Variants in DLG2 observed in about 807,000 individuals in gnomAD.
The protein encoded by DLG2 is discs large MAGUK scaffold protein 2.
In DLG2, 45 loss-of-function variants were observed where a neutral mutation model predicts 132.5. That is an observed-to-expected ratio of 0.34 (90% confidence interval 0.27 to 0.44). The LOEUF is 0.44. Among genes scored for constraint, DLG2 ranks in the 20% least tolerant of loss-of-function variants. The pLI is 1.00. For synonymous variants in DLG2, 424 were observed against 419.6 expected, an observed-to-expected ratio of 1.01 and a Z score of -0.13; for missense variants, 1,045 against 1,196.9, an observed-to-expected ratio of 0.87 and a Z score of 1.87.
chr11:84,755,841 C>A (rs2066804093), intron 6 of DLG2, among the ~76,000 whole-genome samples: 1 of 152,124 alleles, frequency 6.6e-6, no homozygotes, highest in Non-Finnish European at 1.5e-5. Flanking sequence ...ATAAAGGTCA[C>A]TTTTAGTGTG....
intron 18 of DLG2, among the ~76,000 whole-genome samples, chr11:83,729,388 T>G (rs889313435): frequency 6.6e-6 from 1 of 152,206 alleles, no homozygotes; most frequent in Non-Finnish European, 1.5e-5. Context: ...CAAAAGCATA[T>G]TTCAAGCATA....
intron 4 of DLG2, among the ~76,000 whole-genome samples, chr11:85,205,144 G>GTATATATA (rs1425550552): frequency 4.2e-5 from 6 of 142,858 alleles, no homozygotes; most frequent in Admixed American, 1.4e-4. Context: ...ATATATGTGT[G>GTATATATA]TGTATATATA....
At chr11:85,281,105 G>A (rs2078195248) in intron 4 of DLG2, among the ~76,000 whole-genome samples, 1 of 151,956 alleles carries the variant, frequency 6.6e-6, no homozygotes, top group African/African-American at 2.4e-5. Context: ...TCACACATAT[G>A]CTGAGGAAGT....
At chr11:84,818,454 T>C (rs2077310499) in intron 6 of DLG2, among the ~76,000 whole-genome samples, 1 of 151,738 alleles carries the variant, frequency 6.6e-6, no homozygotes, top group African/African-American at 2.4e-5. Context: ...GCTTGTTATA[T>C]TAATAAATTT....
At chr11:83,526,375 T>A (rs916213208) in intron 21 of DLG2, among the ~76,000 whole-genome samples, 4 of 152,196 alleles carry the variant, frequency 2.6e-5, no homozygotes, top group African/African-American at 9.6e-5. Context: ...CAACCTTTCC[T>A]TCCCACAGCT....
chr11:84,065,099 C>T (rs1346367582), intron 10 of DLG2, among the ~76,000 whole-genome samples: 1 of 152,146 alleles, frequency 6.6e-6, no homozygotes, highest in South Asian at 2.1e-4. Context: ...AATATAAAAC[C>T]TAAACATATA....
intron 7 of DLG2, among the ~76,000 whole-genome samples, chr11:84,433,960 A>G (rs1278953687): frequency 6.6e-6 from 1 of 152,018 alleles, no homozygotes; most frequent in Admixed American, 6.6e-5. Context: ...CTACAAAAAA[A>G]TACAAAAATT....
At chr11:83,873,869 T>A (rs2063983889) in intron 16 of DLG2, among the ~76,000 whole-genome samples, 1 of 152,190 alleles carries the variant, frequency 6.6e-6, no homozygotes, top group African/African-American at 2.4e-5. Flanking sequence ...CAGTTAGGTA[T>A]CCCTCCTGGA....
chr11:84,333,617 G>T (rs987306754), intron 7 of DLG2, among the ~76,000 whole-genome samples: 1 of 152,070 alleles, frequency 6.6e-6, no homozygotes, highest in Non-Finnish European at 1.5e-5. Flanking sequence ...CCTTAACTGC[G>T]AATGAAGAAA....
At chr11:84,844,395 C>T (rs569682147) in intron 6 of DLG2, among the ~76,000 whole-genome samples, 11 of 151,694 alleles carry the variant, frequency 7.3e-5, no homozygotes, top group African/African-American at 2.4e-4. Context: ...TATTGGTAAT[C>T]TCAGGTAGAT....
intron 4 of DLG2, among the ~76,000 whole-genome samples, chr11:85,251,124 G>T (rs1384423266): frequency 6.6e-6 from 1 of 152,150 alleles, no homozygotes. Context: ...ACCCACTGTG[G>T]GAAAGCCAGG....
At chr11:84,266,517 A>G (rs1417692837) in intron 7 of DLG2, among the ~76,000 whole-genome samples, 5 of 152,222 alleles carry the variant, frequency 3.3e-5, no homozygotes, top group African/African-American at 7.2e-5. Context: ...TTGGGGTATT[A>G]CTAAACAGAA....
chr11:85,156,737 C>T (rs1372932875), intron 4 of DLG2, among the ~76,000 whole-genome samples: 1 of 152,158 alleles, frequency 6.6e-6, no homozygotes, highest in Admixed American at 6.6e-5. Flanking sequence ...GGCGGCACAT[C>T]CACCATCATA....
intron 7 of DLG2, among the ~76,000 whole-genome samples, chr11:84,475,814 A>G (rs1405363287): frequency 6.6e-6 from 1 of 152,136 alleles, no homozygotes; most frequent in Non-Finnish European, 1.5e-5. Flanking sequence ...CCTGGGGATA[A>G]GTGAAAACAG....
chr11:84,652,340 A>G (rs1391613102), intron 6 of DLG2, among the ~76,000 whole-genome samples: 2 of 152,150 alleles, frequency 1.3e-5, no homozygotes, highest in African/African-American at 2.4e-5. Flanking sequence ...TAAGAGATAG[A>G]TTTATATCAA....
intron 10 of DLG2, among the ~76,000 whole-genome samples, chr11:84,085,455 T>C (rs892987319): frequency 6.6e-6 from 1 of 152,206 alleles, no homozygotes; most frequent in African/African-American, 2.4e-5. Context: ...CAGTGGATCT[T>C]CTCAGAGCTC....
chr11:85,293,592 T>C (rs2079043302), intron 3 of DLG2, among the ~76,000 whole-genome samples: 2 of 152,098 alleles, frequency 1.3e-5, no homozygotes, highest in Admixed American at 1.3e-4. Context: ...TACTACATAC[T>C]TGACTTGAAA....
At chr11:84,268,925 G>A (rs1228543857) in intron 7 of DLG2, among the ~76,000 whole-genome samples, 1 of 152,140 alleles carries the variant, frequency 6.6e-6, no homozygotes, top group African/African-American at 2.4e-5. Context: ...ACCTAGCCCA[G>A]GGTGTGGCAA....
intron 6 of DLG2, among the ~76,000 whole-genome samples, chr11:84,671,163 C>T (rs2099705508): frequency 6.6e-6 from 1 of 151,582 alleles, no homozygotes; most frequent in South Asian, 2.1e-4. Context: ...GGTGAGATCA[C>T]AGCTCACTGC....
Sources: allele counts gnomAD v4.1 joint callset (sites outside exome capture counted in the v4.1 genomes callset), GRCh38; gene constraint gnomAD v4.1.1; transcripts MANE v1.5; gene names NCBI Gene and HGNC (gene_info 2026-07-23, HGNC 2026-07-21).